SLC10A7: variants seen among roughly 807,000 people sequenced by gnomAD.
SLC10A7 encodes the protein sodium/bile acid cotransporter 7.
Under a neutral mutation model 43.2 loss-of-function variants are expected in SLC10A7, and 29 were observed. The observed-to-expected ratio is 0.67, with a 90% CI of 0.50 to 0.92. SLC10A7 has a LOEUF of 0.92. SLC10A7 is among the 40% of genes least tolerant of loss of function. SLC10A7 has a pLI of 0.00. For missense variants in SLC10A7, 295 were observed against 403.2 expected (o/e 0.73, Z 2.30); for synonymous variants, 152 against 144.8 (o/e 1.05, Z -0.35).
At chr4:146,267,487 C>T (rs1002120578) in intron 10 of SLC10A7, among the ~76,000 whole-genome samples, 2 of 152,204 alleles carry the variant, frequency 1.3e-5, no homozygotes, top group East Asian at 1.9e-4. Flanking sequence ...GCTCTCATTG[C>T]ACCCATCTAA....
At chr4:146,292,284 C>A (rs1287003282) in intron 9 of SLC10A7, among the ~76,000 whole-genome samples, 1 of 151,930 alleles carries the variant, frequency 6.6e-6, no homozygotes, top group African/African-American at 2.4e-5. Flanking sequence ...AAATGCATAA[C>A]AAAAGTTGGG....
intron 7 of SLC10A7, among the ~76,000 whole-genome samples, chr4:146,305,320 C>T (rs2149680773): frequency 6.6e-6 from 1 of 150,866 alleles, no homozygotes; most frequent in African/African-American, 2.4e-5. Context: ...TAAACTATCG[C>T]AACAACAAAA....
At chr4:146,344,705 G>C (rs753190868) in intron 5 of SLC10A7, among the ~76,000 whole-genome samples, 7 of 151,702 alleles carry the variant, frequency 4.6e-5, no homozygotes, top group Non-Finnish European at 7.4e-5. Flanking sequence ...TATCAAAAGA[G>C]ATTTGATACA....
intron 6 of SLC10A7, among the ~76,000 whole-genome samples, chr4:146,309,320 C>T (rs761493338): frequency 2.0e-5 from 3 of 152,146 alleles, no homozygotes; most frequent in African/African-American, 4.8e-5. Flanking sequence ...TTCACATTTA[C>T]AGTCCCATTG....
rs547831501 is a variant in SLC10A7, at chr4:146,328,627, G to A, written c.436-2631C>T. On this transcript the variant is annotated intron_variant, in intron 5 of 11. Coordinates refer to ENST00000335472, the MANE Select transcript of SLC10A7 (RefSeq NM_001029998.6). ...ACTCTGCACTCCACCACCACCTCTG[G>A]GGTCCATGGACTGGACTGTCTGGAG... Among the ~76,000 whole-genome samples, 4 of 152,186 alleles carry A rather than the reference G, an allele frequency of 2.6e-5. No individual in the cohort carries two copies. The South Asian group carries it at 8.3e-4, about 32-fold the overall frequency.
chr4:146,327,881 C>G (rs1560802526), intron 5 of SLC10A7, among the ~76,000 whole-genome samples: 1 of 151,464 alleles, frequency 6.6e-6, no homozygotes, highest in Non-Finnish European at 1.5e-5. Flanking sequence ...CCTGCACTGG[C>G]ACATGTGCAC....
At chr4:146,385,590 A>AT (rs1352394724) in intron 5 of SLC10A7, among the ~76,000 whole-genome samples, 14 of 152,230 alleles carry the variant, frequency 9.2e-5, no homozygotes, top group African/African-American at 2.6e-4. Flanking sequence ...AAATAAATAA[A>AT]TTTTTTTAAC....
intron 5 of SLC10A7, among the ~76,000 whole-genome samples, chr4:146,410,245 T>A (rs1728091967): frequency 6.6e-6 from 1 of 152,196 alleles, no homozygotes. Flanking sequence ...CCAAATCTAA[T>A]AATTTCCTCC....
At chr4:146,489,039 A>G (rs887727874) in intron 4 of SLC10A7, among the ~76,000 whole-genome samples, 3 of 152,218 alleles carry the variant, frequency 2.0e-5, no homozygotes, top group African/African-American at 7.2e-5. Context: ...GAGAGCTTCA[A>G]TGAGATACAC....
rs549581735 is a variant in SLC10A7 at position 146,404,701 on chromosome 4, C to T, written c.435+38082G>A. Reference sequence around the variant, plus strand: ...CTCAGGCTGGTCTTGAACTCCTGGCCTCAAGCAATCCTCCTGCCTTGGCCT... The same window carrying T: ...CTCAGGCTGGTCTTGAACTCCTGGCTTCAAGCAATCCTCCTGCCTTGGCCT... On this transcript the variant is annotated intron_variant, in intron 5 of 11. Coordinates refer to ENST00000335472, the MANE Select transcript of SLC10A7 (RefSeq NM_001029998.6). Among the ~76,000 whole-genome samples the T allele has an allele frequency of 1.2e-4, 18 of 152,186 alleles. No homozygotes were observed. The South Asian group carries it at 3.1e-3, about 26-fold the overall frequency.
At chr4:146,355,619 G>A (rs1735529768) in intron 5 of SLC10A7, among the ~76,000 whole-genome samples, 1 of 151,890 alleles carries the variant, frequency 6.6e-6, no homozygotes, top group South Asian at 2.1e-4. Flanking sequence ...ATTCACAATA[G>A]CAAAGACTTG....
chr4:146,505,029 C>T (rs914849775), intron 3 of SLC10A7, among the ~76,000 whole-genome samples: 86 of 152,176 alleles, frequency 5.7e-4, no homozygotes, highest in African/African-American at 2.0e-3. Flanking sequence ...CTGGGGAGAA[C>T]AGGTAGCTGG....
chr4:146,314,039 T>A (rs752809680), intron 6 of SLC10A7, among the ~76,000 whole-genome samples: 50 of 152,130 alleles, frequency 3.3e-4, no homozygotes, highest in Non-Finnish European at 5.3e-4. Context: ...TTAGGAAGCA[T>A]AACCTGGAAG....
At chr4:146,289,525 ATG>A (rs931516331) in intron 9 of SLC10A7, among the ~76,000 whole-genome samples, 36 of 151,870 alleles carry the variant, frequency 2.4e-4, no homozygotes, top group African/African-American at 8.4e-4. Flanking sequence ...TTTTCAATGT[ATG>A]TGTGTGTTGC....
At chr4:146,256,838 C>T in intron 11 of SLC10A7, 1 of 1,535,426 alleles carries the variant, frequency 6.5e-7, no homozygotes, top group Non-Finnish European at 8.7e-7. Flanking sequence ...GGAGGATGGA[C>T]TCTTGGTATT....
chr4:146,434,496 C>CA (rs1263404202), intron 5 of SLC10A7, among the ~76,000 whole-genome samples: 1 of 152,132 alleles, frequency 6.6e-6, no homozygotes, highest in East Asian at 1.9e-4. Context: ...GGAGTTGTAA[C>CA]AAAAAGTAGC....
chr4:146,485,525 A>G (rs1734834851), intron 4 of SLC10A7, among the ~76,000 whole-genome samples: 4 of 152,198 alleles, frequency 2.6e-5, no homozygotes, highest in Admixed American at 1.3e-4. Flanking sequence ...AATGCCTGCC[A>G]CACAAAGAGC....
In SLC10A7 at chr4:146,326,016, G is replaced by A. The variant is rs768873533; in HGVS notation, c.436-20C>T. The A allele has an allele frequency of 6.2e-7, 1 of 1,607,828 alleles. No homozygotes were observed. On this transcript the variant is annotated intron_variant, in intron 5 of 11. Transcript: ENST00000335472. The stretch of plus-strand genomic sequence containing the variant: ...GATGCCCTGAAAGAAATAAAAGAGA[G>A]GATGATCATTTATCAGCCTGGAAAG...
chr4:146,361,950 G>A (rs528302451), intron 5 of SLC10A7, among the ~76,000 whole-genome samples: 53 of 152,052 alleles, frequency 3.5e-4, no homozygotes, highest in South Asian at 6.2e-4. Flanking sequence ...TTGACAAACC[G>A]AAAAATGTAT....
Sources: gnomAD v4.1 joint callset for allele counts (sites outside exome capture counted in the v4.1 genomes callset) on GRCh38, gnomAD v4.1.1 for gene constraint, MANE v1.5 for transcripts, NCBI Gene and HGNC (gene_info 2026-07-23, HGNC 2026-07-21) for gene names.